The following ERC2 variants were observed in gnomAD, a reference collection of about 807,000 sequenced individuals.
ERC2 encodes ERC protein 2.
Under a neutral mutation model 114.8 loss-of-function variants are expected in ERC2, and 42 were observed. The observed-to-expected ratio is 0.37, with a 90% confidence interval of 0.29 to 0.47. The LOEUF is 0.47. Ranked by LOEUF, ERC2 falls within the 20% of genes least tolerant of loss-of-function variation. ERC2 has a pLI of 0.99. For synonymous variants in ERC2, 454 were observed against 425.5 expected (o/e 1.07, Z -0.82); for missense variants, 939 against 1,150.7 (o/e 0.82, Z 2.66).
chr3:56,150,730 T>G (rs2081370933), intron 4 of ERC2, among the ~76,000 whole-genome samples: 2 of 152,186 alleles, frequency 1.3e-5, no homozygotes, highest in Admixed American at 6.6e-5. Context: ...TTTTTCTATT[T>G]AGATGCCATT....
intron 14 of ERC2, among the ~76,000 whole-genome samples, chr3:55,832,095 C>T (rs973389780): frequency 1.3e-5 from 2 of 152,248 alleles, no homozygotes; most frequent in African/African-American, 4.8e-5. Flanking sequence ...GTAAACAAAG[C>T]AGCCTGGAGG....
chr3:56,040,207 G>A (rs953145127), intron 7 of ERC2, among the ~76,000 whole-genome samples: 4 of 152,098 alleles, frequency 2.6e-5, no homozygotes, highest in African/African-American at 9.7e-5. Flanking sequence ...CACCAAAACA[G>A]ATGTTACAAT....
At position 55,824,879 on chromosome 3, in the gene ERC2, C is replaced by T. The variant is rs17056022; in HGVS notation, c.2564+63510G>A. On this transcript the variant is annotated intron_variant, in intron 14 of 17. Coordinates refer to ENST00000288221, the MANE Select transcript of ERC2 (RefSeq NM_015576.3). Reference sequence around the variant, plus strand: ...CTTCTCCTGCCCAAACGTGGTTAGCCGTTGAGATAAGTGTTTAGATTTTCT... The same window carrying T: ...CTTCTCCTGCCCAAACGTGGTTAGCTGTTGAGATAAGTGTTTAGATTTTCT... 3.2e-3 allele frequency among the ~76,000 whole-genome samples: 488 copies of T among 152,268 alleles called. 8 individuals carry two copies. The highest frequency in any genetic ancestry group is 0.024 in the East Asian group (124 of 5,182).
At chr3:55,517,884 GA>G (rs1174890503) in intron 17 of ERC2, among the ~76,000 whole-genome samples, 1 of 152,144 alleles carries the variant, frequency 6.6e-6, no homozygotes, top group Non-Finnish European at 1.5e-5. Context: ...TGGTTGAGTA[GA>G]AATGTATTTG....
At chr3:56,460,891 C>T (rs531737508) in intron 1 of ERC2, among the ~76,000 whole-genome samples, 15 of 141,398 alleles carry the variant, frequency 1.1e-4, no homozygotes, top group African/African-American at 2.9e-4. Flanking sequence ...GAGGCCGAGG[C>T]GGGCGGATCA....
At chr3:56,083,585 A>C (rs1329200237) in intron 6 of ERC2, among the ~76,000 whole-genome samples, 2 of 152,218 alleles carry the variant, frequency 1.3e-5, no homozygotes, top group Admixed American at 6.5e-5. Context: ...ATATGAATAC[A>C]TAACTAAGAA....
chr3:56,111,567 G>A (rs183221113), intron 6 of ERC2, among the ~76,000 whole-genome samples: 2 of 152,254 alleles, frequency 1.3e-5, no homozygotes, highest in South Asian at 2.1e-4. Context: ...ACTTTACGGA[G>A]CAGACCACTT....
At chr3:55,513,443 CT>C (rs940399772) in intron 17 of ERC2, among the ~76,000 whole-genome samples, 4 of 152,156 alleles carry the variant, frequency 2.6e-5, no homozygotes, top group African/African-American at 9.7e-5. Context: ...TACACCAGCT[CT>C]TTATCTGATC....
chr3:56,228,167 A>G (rs2050375269), intron 3 of ERC2, among the ~76,000 whole-genome samples: 1 of 152,196 alleles, frequency 6.6e-6, no homozygotes, highest in Non-Finnish European at 1.5e-5. Flanking sequence ...GTGATGATAT[A>G]AATGTAAATT....
intron 3 of ERC2, among the ~76,000 whole-genome samples, chr3:56,189,399 G>A (rs2083843256): frequency 1.3e-5 from 2 of 152,304 alleles, no homozygotes; most frequent in African/African-American, 2.4e-5. Context: ...GTCCTAAAAT[G>A]TGGTGTCAAG....
At chr3:56,460,246 G>A (rs1398652533) in intron 1 of ERC2, among the ~76,000 whole-genome samples, 1 of 152,208 alleles carries the variant, frequency 6.6e-6, no homozygotes, top group Non-Finnish European at 1.5e-5. Flanking sequence ...GTTAAGGCTT[G>A]TTGGTTGTTT....
chr3:56,204,799 C>A (rs149248731), intron 3 of ERC2, among the ~76,000 whole-genome samples: 18 of 152,172 alleles, frequency 1.2e-4, no homozygotes, highest in Admixed American at 7.2e-4. Context: ...CCGCACCCAG[C>A]CTAGATGCAT....
At chr3:55,516,652 T>C (rs2052533812) in intron 17 of ERC2, among the ~76,000 whole-genome samples, 1 of 152,316 alleles carries the variant, frequency 6.6e-6, no homozygotes, top group Admixed American at 6.5e-5. Flanking sequence ...ATTTCAACTT[T>C]GGTTTCTGTG....
At chr3:55,707,945 C>CT (rs2063576010) in intron 15 of ERC2, among the ~76,000 whole-genome samples, 1 of 152,186 alleles carries the variant, frequency 6.6e-6, no homozygotes, top group African/African-American at 2.4e-5. Context: ...GCTCAAATAA[C>CT]TGGTAGATCT....
intron 14 of ERC2, among the ~76,000 whole-genome samples, chr3:55,875,355 C>G (rs2062779408): frequency 6.6e-6 from 1 of 152,170 alleles, no homozygotes; most frequent in Admixed American, 6.5e-5. Context: ...GCAGTGCACT[C>G]TGCAAATGTC....
At position 56,114,710 on chromosome 3, in the gene ERC2, G is replaced by A. The variant is rs191617898; in HGVS notation, c.1473+24799C>T. ...AACTGCCCTTGCAAAGATTAGAACA[G>A]TGAGAAAATTGTAACAGTGAAAGAG... On this transcript the variant is annotated intron_variant, in intron 6 of 17. Coordinates refer to ENST00000288221, the MANE Select transcript of ERC2 (RefSeq NM_015576.3). Among the ~76,000 whole-genome samples, 11 of 152,304 alleles carry A rather than the reference G, an allele frequency of 7.2e-5. No individual in the cohort carries two copies. In the East Asian group the frequency reaches 2.1e-3, roughly 29 times the overall value.
At chr3:56,173,601 C>T in intron 3 of ERC2, 81 bp from the exon 4 acceptor site, 2 of 1,308,180 alleles carry the variant, frequency 1.5e-6, no homozygotes, top group Non-Finnish European at 1.1e-6. Context: ...ACTACACAGC[C>T]TGCTGGGTCC....
chr3:55,613,741 G>C (rs2059001950), intron 17 of ERC2, among the ~76,000 whole-genome samples: 3 of 152,040 alleles, frequency 2.0e-5, no homozygotes, highest in Admixed American at 2.0e-4. Context: ...CATTTTGGGA[G>C]GCCAAGGTGG....
chr3:56,447,823 A>G (rs926686480), intron 1 of ERC2, among the ~76,000 whole-genome samples: 7 of 150,710 alleles, frequency 4.6e-5, no homozygotes, highest in African/African-American at 1.2e-4. Context: ...GCTCACTGCA[A>G]CCTCTGCCTC....
Sources: gnomAD v4.1 joint callset for allele counts (sites outside exome capture counted in the v4.1 genomes callset) on GRCh38, gnomAD v4.1.1 for gene constraint, MANE v1.5 for transcripts, NCBI Gene and HGNC (gene_info 2026-07-23, HGNC 2026-07-21) for gene names.